Variants in EIF2AK4 observed in about 807,000 individuals in gnomAD.
EIF2AK4 encodes the protein eIF-2-alpha kinase GCN2.
In EIF2AK4, 139 loss-of-function variants were observed where a neutral mutation model predicts 211.1. The ratio of observed to expected loss-of-function variants is 0.66; its 90% CI spans 0.57 to 0.76. The LOEUF (loss-of-function observed/expected upper bound fraction) is 0.76. Among genes scored for constraint, EIF2AK4 ranks in the 30% least tolerant of loss-of-function variants. The pLI, the probability that EIF2AK4 is intolerant of heterozygous loss-of-function variation, is 0.00. For missense variants in EIF2AK4, 1,664 were observed against 2,043.8 expected (o/e 0.81, Z 3.58); for synonymous variants, 710 against 751.3 (o/e 0.94, Z 0.90).
intron 18 of EIF2AK4, among the ~76,000 whole-genome samples, chr15:39,996,119 T>A (rs1415603987): frequency 1.3e-5 from 2 of 152,188 alleles, no homozygotes; most frequent in Non-Finnish European, 2.9e-5. Flanking sequence ...TATTTGCCTT[T>A]CTGTGTCTAG....
chr15:39,962,932 A>G (rs2140910409), intron 7 of EIF2AK4, among the ~76,000 whole-genome samples: 1 of 152,338 alleles, frequency 6.6e-6, no homozygotes, highest in Non-Finnish European at 1.5e-5. Context: ...TTCATTTTCA[A>G]TCCCATGCAT....
chr15:39,989,058 A>T (rs72729494), intron 15 of EIF2AK4, among the ~76,000 whole-genome samples: 10,636 of 152,242 alleles, frequency 0.07, 737 homozygotes, highest in East Asian at 0.21. Flanking sequence ...AAGTTACTTG[A>T]TTCTAACTGA....
Position 40,007,020 on chromosome 15 carries a change from CT to C in EIF2AK4, c.3366del (p.Phe1122LeufsTer11). On this transcript the variant is annotated frameshift_variant, in exon 24 of 39. Transcript: ENST00000263791. LOFTEE classifies it high-confidence loss of function. ...CATATTTTGTTTATTTTTCAGATCCCTTTTGCAAGATATGTGGCAAGAAATA... is the reference window on the plus strand; with the variant it reads ...CATATTTTGTTTATTTTTCAGATCCCTTTGCAAGATATGTGGCAAGAAATA... ...LVMLPFDLRI[P>X]FARYVARNNI... 1 of 1,596,266 alleles carries C rather than the reference CT, an allele frequency of 6.3e-7. No individual in the cohort carries two copies. The highest frequency in any genetic ancestry group is 8.6e-7 in the Non-Finnish European group (1 of 1,165,716).
At chr15:40,026,855 T>A (rs1028000564) in intron 33 of EIF2AK4, among the ~76,000 whole-genome samples, 1 of 152,214 alleles carries the variant, frequency 6.6e-6, no homozygotes, top group Non-Finnish European at 1.5e-5. Context: ...ACATTTTTTT[T>A]AAATTGACCC....
At chr15:40,034,470 G>C (rs2035587605) in intron 38 of EIF2AK4, 26 bp downstream of exon 38, 8 of 1,561,888 alleles carry the variant, frequency 5.1e-6, no homozygotes, top group Non-Finnish European at 7.1e-6. Context: ...GGCATAGCAG[G>C]GTTCACATGG....
rs780175001 is a variant in EIF2AK4, at chr15:39,934,206, G to A, written c.11G>A (p.Gly4Asp). The change falls in exon 1 of 39, where the codon GGC becomes GAC. Residue 4 changes from glycine (G) to aspartate (D), a missense_variant. This residue lies in a region of EIF2AK4 where 641 missense variants were observed against 729.6 expected (regional missense o/e 0.88). Coordinates refer to ENST00000263791, the MANE Select transcript of EIF2AK4 (RefSeq NM_001013703.4). MAG[G>D]RGAPGRGRDE... is the part of the protein sequence containing the mutation. The stretch of plus-strand genomic sequence containing the variant: ...GGGCGCAGCGCTGCCATGGCTGGGG[G>A]CCGTGGGGCCCCCGGGCGCGGCCGG... 2 of 1,569,670 alleles carry A rather than the reference G, an allele frequency of 1.3e-6. No homozygotes were observed. The highest frequency in any genetic ancestry group is 1.7e-6 in the Non-Finnish European group (2 of 1,159,096).
intron 32 of EIF2AK4, among the ~76,000 whole-genome samples, chr15:40,023,274 T>C (rs375425985): frequency 7.2e-5 from 11 of 152,338 alleles, no homozygotes; most frequent in East Asian, 5.8e-4. Flanking sequence ...TTCATAAATA[T>C]ACCACCTCAT....
chr15:39,997,667 T>C (rs1011608937), intron 19 of EIF2AK4, among the ~76,000 whole-genome samples: 1 of 152,118 alleles, frequency 6.6e-6, no homozygotes, highest in East Asian at 1.9e-4. Context: ...TTAAAACGGG[T>C]CCGAAAAAAA....
At chr15:39,976,281 G>A in intron 11 of EIF2AK4, 133 bp from the exon 12 acceptor site, 1 of 890,728 alleles carries the variant, frequency 1.1e-6, no homozygotes, top group Non-Finnish European at 1.6e-6. Context: ...AGAATTTCAG[G>A]CATGTGGTTC....
At chr15:39,972,466 T>G (rs1196891829) in intron 9 of EIF2AK4, among the ~76,000 whole-genome samples, 2 of 152,174 alleles carry the variant, frequency 1.3e-5, no homozygotes, top group African/African-American at 4.8e-5. Flanking sequence ...TGAGCAGGCT[T>G]CATCTAAAGC....
chr15:39,992,874 A>T, intron 18 of EIF2AK4, 26 bp downstream of exon 18: 1 of 1,607,808 alleles, frequency 6.2e-7, no homozygotes, highest in Non-Finnish European at 8.5e-7. Flanking sequence ...GGGAAAAGGA[A>T]TCTCAAAATT....
intron 18 of EIF2AK4, among the ~76,000 whole-genome samples, chr15:39,994,337 G>T (rs773958787): frequency 8.5e-5 from 13 of 152,204 alleles, no homozygotes; most frequent in Non-Finnish European, 1.8e-4. Context: ...GCCAGGCATG[G>T]TGGTTCATGC....
At chr15:39,940,384 G>A (rs1041300832) in intron 2 of EIF2AK4, among the ~76,000 whole-genome samples, 2 of 152,194 alleles carry the variant, frequency 1.3e-5, no homozygotes, top group Non-Finnish European at 2.9e-5. Context: ...GGGAACCAGT[G>A]AAGGTTTTTG....
At position 39,946,470 on chromosome 15, in the gene EIF2AK4, T is replaced by A. The variant is rs139987287; in HGVS notation, c.361-2646T>A. 1,866 of 663,294 alleles carry A rather than the reference T, an allele frequency of 2.8e-3. 6 individuals are homozygous for A. The highest frequency in any genetic ancestry group is 0.012 in the Middle Eastern group (48 of 4,138). The allele number at this position is 663,294 out of a possible 1,614,324, so 41.1% of individuals were successfully genotyped here. ...TGATAAAACTTTAACAGATGATTAG[T>A]TGCCTCTTATAGATTAGGAGAGAAA... On this transcript the variant is annotated intron_variant, in intron 3 of 38. Coordinates refer to ENST00000263791, the MANE Select transcript of EIF2AK4 (RefSeq NM_001013703.4).
chr15:39,994,324 G>A (rs1333865487), intron 18 of EIF2AK4, among the ~76,000 whole-genome samples: 1 of 152,126 alleles, frequency 6.6e-6, no homozygotes, highest in East Asian at 1.9e-4. Context: ...AAACACATTA[G>A]GTGCCAGGCA....
chr15:39,971,649 C>T (rs942416875), intron 9 of EIF2AK4, among the ~76,000 whole-genome samples: 1 of 151,540 alleles, frequency 6.6e-6, no homozygotes, highest in African/African-American at 2.4e-5. Context: ...TCTAGGAGTT[C>T]GAGGCTGCCA....
At position 39,994,916 on chromosome 15, in the gene EIF2AK4, A is replaced by G. The variant is rs1263298318; in HGVS notation, c.2767-2048A>G. Among the ~76,000 whole-genome samples the G allele has an allele frequency of 2.6e-5, 4 of 152,016 alleles. No homozygotes were observed. The East Asian group carries it at 7.7e-4, about 29-fold the overall frequency. On this transcript the variant is annotated intron_variant, in intron 18 of 38. Transcript: ENST00000263791. ...GAGCACAGCGGTGGGCCATCAGCTC[A>G]CTGCAACCTCCGCCTCCCAGGTTCA... is the stretch of plus-strand genomic sequence containing the variant.
In EIF2AK4 at chr15:40,001,038, A is replaced by G. The variant is rs565525684; in HGVS notation, c.2973A>G (p.Thr991=). ...LLNHDPAKRP[T]ATELLKSELL... ...ACCACGATCCAGCAAAACGGCCCAC[A>G]GCCACAGAACTGCTCAAGAGTGAGC... Residue 991 remains threonine, a synonymous_variant, in exon 21 of 39, where the codon ACA becomes ACG. Transcript: ENST00000263791. 1.5e-5 allele frequency: 24 copies of G among 1,614,214 alleles called. No individual in the cohort carries two copies. In the East Asian group the frequency reaches 2.2e-4, roughly 15 times the overall value.
At chr15:39,982,026 G>A (rs1438978361) in intron 13 of EIF2AK4, among the ~76,000 whole-genome samples, 11 of 149,438 alleles carry the variant, frequency 7.4e-5, no homozygotes, top group Non-Finnish European at 1.2e-4. Flanking sequence ...CTGGGTTCAC[G>A]CCATTCTCCT....
Sources: gnomAD v4.1 joint callset for allele counts (sites outside exome capture counted in the v4.1 genomes callset) on GRCh38, gnomAD v4.1.1 for gene constraint, gnomAD v4.1.1 regional missense constraint, MANE v1.5 for transcripts, NCBI Gene and HGNC (gene_info 2026-07-23, HGNC 2026-07-21) for gene names.